Variants in TAF1 observed in about 807,000 individuals in gnomAD.
The protein encoded by TAF1 is transcription initiation factor TFIID subunit 1.
In TAF1, 2 loss-of-function variants were observed where a neutral mutation model predicts 138.5. The ratio of observed to expected loss-of-function variants is 0.01; its 90% CI spans 0.01 to 0.05. The LOEUF (loss-of-function observed/expected upper bound fraction) is 0.05. Ranked by LOEUF, TAF1 falls within the 10% of genes least tolerant of loss-of-function variation. The pLI is 1.00. For missense variants in TAF1, 709 were observed against 1,478.0 expected (o/e 0.48, Z 8.53); for synonymous variants, 437 against 503.2 (o/e 0.87, Z 1.76).
downstream of TAF1, among the ~76,000 whole-genome samples, chrX:71,469,995 C>T: frequency 8.9e-6 from 1 of 111,947 alleles, no homozygotes; most frequent in South Asian, 3.7e-4. Flanking sequence ...GCCACCGTGC[C>T]TGGCCTAAAG....
At chrX:71,437,198 T>A (rs756337348) in intron 32 of TAF1, among the ~76,000 whole-genome samples, 1 of 111,934 alleles carries the variant, frequency 8.9e-6, no homozygotes, top group South Asian at 3.7e-4. Flanking sequence ...CCATTGTGCT[T>A]GTACTCTTTT....
intron 32 of TAF1, among the ~76,000 whole-genome samples, chrX:71,453,666 T>C (rs1306112045): frequency 9.0e-5 from 10 of 110,711 alleles, no homozygotes. Flanking sequence ...AAATGTATAA[T>C]GACATGTATC....
chrX:71,441,679 T>C (rs1454161976), intron 32 of TAF1: 4 of 300,048 alleles, frequency 1.3e-5, no homozygotes, highest in Non-Finnish European at 2.5e-5. Flanking sequence ...AGCTATAATT[T>C]TGTATCTTTT....
intron 13 of TAF1, among the ~76,000 whole-genome samples, chrX:71,514,985 C>A (rs1366512617): frequency 9.0e-6 from 1 of 111,728 alleles, no homozygotes; most frequent in Non-Finnish European, 1.9e-5. Flanking sequence ...GTAGGCAGAG[C>A]TGACATATGG....
rs1420310012 is a variant in TAF1, at chrX:71,420,754, G to T, written c.4385-555G>T. 2.7e-5 allele frequency among the ~76,000 whole-genome samples: 3 copies of T among 113,018 alleles called. No homozygotes were observed. The East Asian group carries it at 8.4e-4, about 32-fold the overall frequency. The stretch of plus-strand genomic sequence containing the variant: ...CCGAACCAGGCCTGGAGCTCCCGTG[G>T]GGGTGGGGGGCGCAAGGCCAGGGCG... On this transcript the variant is annotated intron_variant, in intron 28 of 37. Coordinates refer to ENST00000423759, the MANE Select transcript of TAF1 (RefSeq NM_004606.5).
intron 18 of TAF1, among the ~76,000 whole-genome samples, chrX:71,391,872 C>T (rs1215174305): frequency 9.0e-6 from 1 of 110,707 alleles, no homozygotes; most frequent in Non-Finnish European, 1.9e-5. Flanking sequence ...AGAGATCTGC[C>T]CGCCTCAGCC....
intron 28 of TAF1, among the ~76,000 whole-genome samples, chrX:71,419,706 C>T (rs770735633): frequency 2.9e-4 from 32 of 111,274 alleles, no homozygotes; most frequent in South Asian, 1.1e-3. Context: ...TGGTGTCCTT[C>T]CAGAGCCCTG....
At chrX:71,409,106 C>T (rs1056951919) in intron 28 of TAF1, among the ~76,000 whole-genome samples, 4 of 110,648 alleles carry the variant, frequency 3.6e-5, no homozygotes, top group Non-Finnish European at 7.6e-5. Context: ...TCTGAATCTT[C>T]GATTTGGTCT....
At chrX:71,373,548 G>A (rs1271624975) in intron 3 of TAF1, among the ~76,000 whole-genome samples, 1 of 111,912 alleles carries the variant, frequency 8.9e-6, no homozygotes, top group Non-Finnish European at 1.9e-5. Flanking sequence ...GTGGACTAAA[G>A]CCATAAGCTG....
chrX:71,462,426 A>C (rs1340749859), intron 37 of TAF1, among the ~76,000 whole-genome samples: 1 of 110,423 alleles, frequency 9.1e-6, no homozygotes, highest in Non-Finnish European at 1.9e-5. Flanking sequence ...AAATACAAAA[A>C]TTAGCTGGGC....
chrX:71,491,315 G>T (rs1247061707), intron 13 of TAF1: 2 of 109,821 alleles, frequency 1.8e-5, no homozygotes, highest in Non-Finnish European at 3.8e-5. Flanking sequence ...ACGGGAGTTT[G>T]TTTCTCACTG....
chrX:71,366,622 C>A, intron 1 of TAF1, 128 bp downstream of exon 1: 1 of 710,274 alleles, frequency 1.4e-6, no homozygotes, highest in East Asian at 3.5e-5. Context: ...GAGGAGGATC[C>A]CGTCCTCATG....
chrX:71,464,691 G>A lies in TAF1; in HGVS notation c.*645G>A, dbSNP rs941303258. 2.5e-5 allele frequency: 3 copies of A among 122,199 alleles called. No individual in the cohort carries two copies. Among genetic ancestry groups the A allele is most frequent in the African/African-American group, 6.5e-5 (2 of 30,736 alleles). 10.1% of individuals were successfully genotyped at this position (122,199 alleles called of 1,213,427 possible). ...ACTGCACTCCAGCCTGGGCGAAAGA[G>A]TGAGATTCAGTCTCAAAAAAAAAAA... On this transcript the variant is annotated 3_prime_UTR_variant, in exon 38 of 38. Coordinates refer to ENST00000423759, the MANE Select transcript of TAF1 (RefSeq NM_004606.5).
Position 71,378,848 on chromosome X carries a change from A to G in TAF1, c.1177A>G (p.Asn393Asp). 2 of 1,211,608 alleles carry G rather than the reference A, an allele frequency of 1.7e-6. No homozygotes were observed. Among genetic ancestry groups the G allele is most frequent in the Non-Finnish European group, 2.2e-6 (2 of 895,524 alleles). The change falls in exon 8 of 38, where the codon AAT (asparagine) becomes GAT (aspartate). Residue 393 changes from asparagine to aspartate, a missense_variant. Asn to Asp is a conservative substitution (Grantham distance 23). Transcript: ENST00000423759. ...IEEFRKLEEN[N>D]GTDLLADENF... ...GGAATTTAGGAAACTTGAGGAAAAC[A>G]ATGGCACTGATCTTCTGGCTGATGA...
At position 71,366,514 on chromosome X, in the gene TAF1, G is replaced by GGT; in HGVS notation, c.120+21_120+22dup. On this transcript the variant is annotated intron_variant, in intron 1 of 37. Coordinates refer to ENST00000423759, the MANE Select transcript of TAF1 (RefSeq NM_004606.5). ...GATGATGTGAGGGGGTGGGCGTGGG[G>GGT]GTAGGGCTCGGGGGGTGGGGCTAAG... 1.0e-6 allele frequency: 1 copy of GGT among 976,654 alleles called. No individual in the cohort carries two copies. Among genetic ancestry groups the GGT allele is most frequent in the Non-Finnish European group, 1.4e-6 (1 of 725,718 alleles). The allele number at this position is 976,654 out of a possible 1,213,427, so 80.5% of individuals were successfully genotyped here.
Position 71,375,190 on chromosome X carries a change from G to A in TAF1, c.376G>A (p.Ala126Thr), listed in dbSNP as rs1350303476. Residue 126 changes from alanine to threonine, a missense_variant, in exon 4 of 38, where the codon GCT becomes ACT. Physicochemically the swap from Ala to Thr is moderately conservative, Grantham distance 58. Transcript: ENST00000423759. ...AGATTATGATGAAGATGACTATGAT[G>A]CTGATTGTGAAGACATTGATTGCAA... ...HSDYDEDDYDADCEDIDCKLM... is the reference protein window; with the variant it reads ...HSDYDEDDYDTDCEDIDCKLM... 1 of 1,210,377 alleles carries A rather than the reference G, an allele frequency of 8.3e-7. No homozygotes were observed. Among genetic ancestry groups the A allele is most frequent in the African/African-American group, 1.7e-5 (1 of 57,680 alleles).
intron 13 of TAF1, among the ~76,000 whole-genome samples, chrX:71,524,229 G>T (rs1437563593): frequency 9.2e-6 from 1 of 108,219 alleles, no homozygotes; most frequent in Non-Finnish European, 1.9e-5. Flanking sequence ...ACAGGGTTTT[G>T]CCATGTTGCC....
intron 37 of TAF1, among the ~76,000 whole-genome samples, chrX:71,463,421 A>G (rs1249003065): frequency 9.0e-6 from 1 of 111,149 alleles, no homozygotes; most frequent in Non-Finnish European, 1.9e-5. Context: ...GGCCAGAGAT[A>G]ACAAAGGACT....
In TAF1 at chrX:71,383,101, A is replaced by G. The variant is rs745374494; in HGVS notation, c.1884A>G (p.Ala628=). 1 of 1,211,461 alleles carries G rather than the reference A, an allele frequency of 8.3e-7. No homozygotes were observed. Among genetic ancestry groups the G allele is most frequent in the South Asian group, 1.8e-5 (1 of 56,980 alleles). The change falls in exon 12 of 38, where the codon GCA becomes GCG. Residue 628 remains alanine, a synonymous_variant. Coordinates refer to ENST00000423759, the MANE Select transcript of TAF1 (RefSeq NM_004606.5). ...RPPLKKYSFG[A]LSQPGPHSVQ... is the part of the protein sequence containing the mutation. Reference sequence around the variant, plus strand: ...CTCTGAAAAAGTACTCATTTGGTGCACTTTCTCAGCCAGGTCCCCACTCAG... The same window carrying G: ...CTCTGAAAAAGTACTCATTTGGTGCGCTTTCTCAGCCAGGTCCCCACTCAG...
Sources: allele counts gnomAD v4.1 joint callset (sites outside exome capture counted in the v4.1 genomes callset), GRCh38; gene constraint gnomAD v4.1.1; transcripts MANE v1.5; gene names NCBI Gene and HGNC (gene_info 2026-07-23, HGNC 2026-07-21).